The following PCLO variants were observed in gnomAD, a reference collection of about 807,000 sequenced individuals.
The protein encoded by PCLO is protein piccolo.
PCLO carries 82 observed loss-of-function variants against 427.5 expected under a neutral mutation model. That is an observed-to-expected ratio of 0.19 (90% CI 0.16 to 0.23). The LOEUF (loss-of-function observed/expected upper bound fraction) is 0.23, where lower values mean the gene tolerates loss of function less well. Among genes scored for constraint, PCLO ranks in the 10% least tolerant of loss-of-function variants. PCLO has a pLI of 1.00. For synonymous variants in PCLO, 2,357 were observed against 2,155.4 expected, an observed-to-expected ratio of 1.09 and a Z score of -2.59; for missense variants, 6,239 against 6,115.9, an observed-to-expected ratio of 1.02 and a Z score of -0.67.
chr7:82,870,466 C>T (rs913527583), intron 10 of PCLO, among the ~76,000 whole-genome samples: 7 of 151,886 alleles, frequency 4.6e-5, no homozygotes, highest in African/African-American at 1.7e-4. Flanking sequence ...AAATTTAAGA[C>T]CTGAGCTTAT....
At chr7:82,904,046 C>A (rs1469336711) in intron 8 of PCLO, among the ~76,000 whole-genome samples, 3 of 151,876 alleles carry the variant, frequency 2.0e-5, no homozygotes, top group Non-Finnish European at 4.4e-5. Flanking sequence ...TAAACAACAG[C>A]AGAATCCTGT....
intron 3 of PCLO, among the ~76,000 whole-genome samples, chr7:83,012,864 A>G (rs951441055): frequency 1.3e-5 from 2 of 152,112 alleles, no homozygotes; most frequent in African/African-American, 4.8e-5. Flanking sequence ...TTAGTTTTAG[A>G]TTAGTTTTGA....
At chr7:83,060,057 C>T (rs902100279) in intron 3 of PCLO, among the ~76,000 whole-genome samples, 1 of 152,146 alleles carries the variant, frequency 6.6e-6, no homozygotes, top group Non-Finnish European at 1.5e-5. Flanking sequence ...AAAATAGCTG[C>T]ATAGATAAAC....
At position 83,107,162 on chromosome 7, in the gene PCLO, C is replaced by T. The variant is rs12707558; in HGVS notation, c.3300+27088G>A. On this transcript the variant is annotated intron_variant, in intron 3 of 24. Coordinates refer to ENST00000333891, the MANE Select transcript of PCLO (RefSeq NM_033026.6). ...TTGGTGTACAAATTATTGCACCGCC[C>T]GGGTGATAAGCATAGTACCTGATAG... Among the ~76,000 whole-genome samples, 649 of 152,108 alleles carry T rather than the reference C, an allele frequency of 4.3e-3. 3 individuals are homozygous for T. Among genetic ancestry groups the T allele is most frequent in the Non-Finnish European group, 7.9e-3 (536 of 68,002 alleles).
chr7:82,954,069 A>G lies in PCLO; in HGVS notation c.6884T>C (p.Ile2295Thr). ...VADTVSTDLL[I>T]SEKDPVKKAK... Reference sequence around the variant, plus strand: ...TTTCTTCACTGGGTCCTTTTCAGATATAAGTAAGTCAGTAGAAACAGTGTC... The same window carrying G: ...TTTCTTCACTGGGTCCTTTTCAGATGTAAGTAAGTCAGTAGAAACAGTGTC... The change falls in exon 5 of 25, where the codon ATA (isoleucine) becomes ACA (threonine). Residue 2295 changes from isoleucine to threonine, a missense_variant. Physicochemically the swap from Ile to Thr is moderately conservative, Grantham distance 89 (BLOSUM62 -1). Around this residue, in one of 5 missense-constraint regions of PCLO, gnomAD observed 4,677 missense variants for 4,468.4 expected, o/e 1.05. Coordinates refer to ENST00000333891, the MANE Select transcript of PCLO (RefSeq NM_033026.6). 3 of 1,613,864 alleles carry G rather than the reference A, an allele frequency of 1.9e-6. No individual in the cohort carries two copies. Among genetic ancestry groups the G allele is most frequent in the South Asian group, 2.2e-5 (2 of 91,048 alleles).
chr7:83,072,872 C>T lies in PCLO; in HGVS notation c.3300+61378G>A, dbSNP rs1789855014. 2.0e-5 allele frequency among the ~76,000 whole-genome samples: 3 copies of T among 152,092 alleles called. No homozygotes were observed. The South Asian group carries it at 6.2e-4, about 32-fold the overall frequency. On this transcript the variant is annotated intron_variant, in intron 3 of 24. Coordinates refer to ENST00000333891, the MANE Select transcript of PCLO (RefSeq NM_033026.6). ...CAGGACATTATAATTTTCCATTATCCAGACTTGGGAATCCATAATTGCTTG... is the reference window on the plus strand; with the variant it reads ...CAGGACATTATAATTTTCCATTATCTAGACTTGGGAATCCATAATTGCTTG...
intron 3 of PCLO, among the ~76,000 whole-genome samples, chr7:83,038,390 T>A (rs551301629): frequency 2.7e-4 from 41 of 151,720 alleles, no homozygotes; most frequent in South Asian, 6.2e-4. Context: ...ATATTCCCCA[T>A]CCTCCTTCAT....
At chr7:83,100,736 C>G (rs759484421) in intron 3 of PCLO, among the ~76,000 whole-genome samples, 1 of 152,060 alleles carries the variant, frequency 6.6e-6, no homozygotes, top group Non-Finnish European at 1.5e-5. Flanking sequence ...ATGAAATAAT[C>G]TGTATAATAA....
At chr7:82,818,897 G>A (rs1304636586) in intron 20 of PCLO, among the ~76,000 whole-genome samples, 5 of 152,108 alleles carry the variant, frequency 3.3e-5, no homozygotes, top group Admixed American at 2.6e-4. Context: ...GGGATTATAC[G>A]AACTCCATTG....
Position 82,950,999 on chromosome 7 carries a change from C to T in PCLO, c.9589G>A (p.Asp3197Asn), listed in dbSNP as rs775578030. Residue 3197 changes from aspartate (D) to asparagine (N), a missense_variant, in exon 6 of 25, where the codon GAT becomes AAT. This residue lies in a region of PCLO where 4,677 missense variants were observed against 4,468.4 expected (regional missense o/e 1.05). Transcript: ENST00000333891. ...ASEVFPEVVGDESALLIVPEE... is the reference protein window; with the variant it reads ...ASEVFPEVVGNESALLIVPEE... ...GGGACAATTAAAAGAGCACTTTCATCTCCCACCACTTCAGGAAACACTTCG... is the reference window on the plus strand; with the variant it reads ...GGGACAATTAAAAGAGCACTTTCATTTCCCACCACTTCAGGAAACACTTCG... 8.1e-6 allele frequency: 13 copies of T among 1,613,690 alleles called. No homozygotes were observed. The highest frequency in any genetic ancestry group is 1.7e-5 in the Admixed American group (1 of 60,004).
intron 3 of PCLO, among the ~76,000 whole-genome samples, chr7:82,985,098 T>C (rs1008214922): frequency 3.9e-5 from 6 of 151,946 alleles, no homozygotes; most frequent in African/African-American, 9.7e-5. Flanking sequence ...AAACTAGAAA[T>C]AGATCCTCAG....
At chr7:83,159,877 G>T (rs1050541550) in intron 1 of PCLO, among the ~76,000 whole-genome samples, 3 of 152,032 alleles carry the variant, frequency 2.0e-5, no homozygotes, top group Non-Finnish European at 4.4e-5. Context: ...GAGAAGCAAA[G>T]TGACTAATTC....
At position 82,950,185 on chromosome 7, in the gene PCLO, A is replaced by G; in HGVS notation, c.10403T>C (p.Val3468Ala). 1.2e-6 allele frequency: 2 copies of G among 1,611,318 alleles called. No individual in the cohort carries two copies. Among genetic ancestry groups the G allele is most frequent in the Non-Finnish European group, 1.7e-6 (2 of 1,179,450 alleles). Residue 3468 changes from valine to alanine, a missense_variant, in exon 6 of 25, where the codon GTG becomes GCG. By Grantham distance (64) the Val-to-Ala change is moderately conservative (BLOSUM62 0). Transcript: ENST00000333891. ...VSRRRRTKKSVDTSVQTDDED... is the reference protein window; with the variant it reads ...VSRRRRTKKSADTSVQTDDED... Reference sequence around the variant, plus strand: ...ATCATCAGTTTGGACGCTTGTATCCACACTCTTTTTAGTTCTCCTTCTCCT... The same window carrying G: ...ATCATCAGTTTGGACGCTTGTATCCGCACTCTTTTTAGTTCTCCTTCTCCT...
intron 22 of PCLO, among the ~76,000 whole-genome samples, chr7:82,763,474 TAAC>T (rs1272221027): frequency 2.0e-5 from 3 of 152,072 alleles, no homozygotes; most frequent in Non-Finnish European, 4.4e-5. Flanking sequence ...GAAAATGAAA[TAAC>T]AAAACACTGT....
At chr7:83,074,004 C>T (rs1789885735) in intron 3 of PCLO, among the ~76,000 whole-genome samples, 1 of 151,702 alleles carries the variant, frequency 6.6e-6, no homozygotes, top group African/African-American at 2.4e-5. Context: ...AAAATTAATT[C>T]AGCATACTAT....
At chr7:83,105,447 T>G (rs1790830300) in intron 3 of PCLO, among the ~76,000 whole-genome samples, 1 of 152,154 alleles carries the variant, frequency 6.6e-6, no homozygotes, top group Non-Finnish European at 1.5e-5. Context: ...GAATCTTAAT[T>G]CTTACATGTT....
chr7:83,142,416 C>T (rs554736559), intron 2 of PCLO, among the ~76,000 whole-genome samples: 1 of 152,230 alleles, frequency 6.6e-6, no homozygotes, highest in Non-Finnish European at 1.5e-5. Flanking sequence ...TCTCTCTTAC[C>T]TGAGTAAGAG....
intron 3 of PCLO, among the ~76,000 whole-genome samples, chr7:83,130,132 TG>T (rs1791533948): frequency 1.7e-5 from 1 of 58,286 alleles, no homozygotes; most frequent in Non-Finnish European, 4.6e-5. Flanking sequence ...ATTATGTTTT[TG>T]TTGTTGTTGT....
intron 3 of PCLO, among the ~76,000 whole-genome samples, chr7:83,019,330 T>C (rs1250513068): frequency 1.3e-5 from 2 of 151,954 alleles, no homozygotes; most frequent in Non-Finnish European, 2.9e-5. Context: ...ACTTCTTTTG[T>C]TTTAATTTTA....
Sources: allele counts gnomAD v4.1 joint callset (sites outside exome capture counted in the v4.1 genomes callset), GRCh38; gene constraint gnomAD v4.1.1; regional missense constraint gnomAD v4.1.1; transcripts MANE v1.5; gene names NCBI Gene and HGNC (gene_info 2026-07-23, HGNC 2026-07-21).